The following MYO9A variants were observed in gnomAD, a reference collection of about 807,000 sequenced individuals.
The protein encoded by MYO9A is unconventional myosin-IXa.
MYO9A carries 103 observed loss-of-function variants against 293.3 expected under a neutral mutation model. The ratio of observed to expected loss-of-function variants is 0.35; its 90% confidence interval spans 0.30 to 0.41. The LOEUF (loss-of-function observed/expected upper bound fraction) is 0.41. Among genes scored for constraint, MYO9A ranks in the 10% least tolerant of loss-of-function variants. The pLI is 1.00. For synonymous variants in MYO9A, 1,001 were observed against 1,035.7 expected, an observed-to-expected ratio of 0.97 and a Z score of 0.64; for missense variants, 2,685 against 3,033.0, an observed-to-expected ratio of 0.89 and a Z score of 2.69.
chr15:72,110,362 G>A (rs1354475624), intron 1 of MYO9A, among the ~76,000 whole-genome samples: 2 of 146,606 alleles, frequency 1.4e-5, no homozygotes, highest in Non-Finnish European at 3.0e-5. Flanking sequence ...CTTGAACCCG[G>A]AAGCCGGAGG....
At position 71,825,995 on chromosome 15, in the gene MYO9A, GTTTTTTTT is replaced by G. The variant is rs11368306; in HGVS notation, c.*577_*584del. ...ATGGAAACAATCACGGTTTTTTTTT[GTTTTTTTT>G]TTTTTGTTTTTTTTTTTTGTTTTTG... is the stretch of plus-strand genomic sequence containing the variant. On this transcript the variant is annotated 3_prime_UTR_variant, in exon 42 of 42. Transcript: ENST00000356056. 1 of 91,526 alleles carries G rather than the reference GTTTTTTTT, an allele frequency of 1.1e-5. No individual in the cohort carries two copies. The highest frequency in any genetic ancestry group is 4.4e-5 in the African/African-American group (1 of 22,704). 5.7% of individuals were successfully genotyped at this position (91,526 alleles called of 1,614,324 possible). A position where few individuals can be genotyped will look rare whatever the true frequency, so the allele number is the denominator to read the frequency against.
At chr15:71,926,805 C>T (rs962276350) in intron 18 of MYO9A, among the ~76,000 whole-genome samples, 1 of 152,204 alleles carries the variant, frequency 6.6e-6, no homozygotes, top group Non-Finnish European at 1.5e-5. Flanking sequence ...AGCTACCAGA[C>T]AGCCTGGCCC....
intron 1 of MYO9A, among the ~76,000 whole-genome samples, chr15:72,110,076 T>C (rs961378831): frequency 3.3e-5 from 5 of 150,612 alleles, no homozygotes; most frequent in African/African-American, 9.8e-5. Context: ...GGAGGACTGC[T>C]TGAGCCCAGG....
At chr15:72,057,332 A>G (rs1201000834) in intron 1 of MYO9A, among the ~76,000 whole-genome samples, 1 of 152,198 alleles carries the variant, frequency 6.6e-6, no homozygotes, top group East Asian at 1.9e-4. Context: ...GTTCCCCAAA[A>G]AACTATGAAA....
intron 39 of MYO9A, among the ~76,000 whole-genome samples, chr15:71,846,764 C>G (rs559547075): frequency 6.0e-4 from 91 of 152,222 alleles, no homozygotes; most frequent in African/African-American, 2.1e-3. Context: ...TCCATCCCCC[C>G]CATTCCTTTT....
intron 1 of MYO9A, among the ~76,000 whole-genome samples, chr15:72,101,530 C>CT (rs1287838663): frequency 7.8e-6 from 1 of 128,764 alleles, no homozygotes; most frequent in Non-Finnish European, 1.7e-5. Flanking sequence ...GTCAGCCCCC[C>CT]GCCCGGCCAG....
chr15:72,069,367 T>C (rs1301837085), intron 1 of MYO9A, among the ~76,000 whole-genome samples: 2 of 152,222 alleles, frequency 1.3e-5, no homozygotes, highest in African/African-American at 4.8e-5. Flanking sequence ...CCTACTAGTA[T>C]ATAGGCTTGT....
intron 32 of MYO9A, among the ~76,000 whole-genome samples, chr15:71,869,551 T>C (rs565291812): frequency 2.6e-5 from 4 of 152,276 alleles, no homozygotes; most frequent in African/African-American, 7.2e-5. Flanking sequence ...AAAGGAACAA[T>C]AGTGGGATGA....
chr15:72,015,363 G>A, intron 6 of MYO9A, among the ~76,000 whole-genome samples: 1 of 152,084 alleles, frequency 6.6e-6, no homozygotes, highest in East Asian at 1.9e-4. Flanking sequence ...ATGGTTTCAG[G>A]GTATCTTGCC....
At chr15:71,910,852 T>C (rs1234509689) in intron 19 of MYO9A, among the ~76,000 whole-genome samples, 1 of 152,212 alleles carries the variant, frequency 6.6e-6, no homozygotes. Flanking sequence ...GTTCTTCATA[T>C]TATACAAGTC....
At chr15:71,941,642 T>C (rs1174136522) in intron 15 of MYO9A, among the ~76,000 whole-genome samples, 1 of 152,082 alleles carries the variant, frequency 6.6e-6, no homozygotes, top group Non-Finnish European at 1.5e-5. Context: ...CTAAATTTGA[T>C]GAAAAACAAT....
rs1246273119 is a variant in MYO9A, at chr15:72,100,872, G to C, written c.-72+16808C>G. On this transcript the variant is annotated intron_variant, in intron 1 of 41. Coordinates refer to ENST00000356056, the MANE Select transcript of MYO9A (RefSeq NM_006901.4). ...GCCGCCCCGTCCGGGAGGGAGGTGG[G>C]GGGGGTCAGCCCCCCGCCGGCCAGC... Among the ~76,000 whole-genome samples the C allele has an allele frequency of 4.1e-5, 6 of 148,046 alleles. No homozygotes were observed. The South Asian group carries it at 6.4e-4, about 16-fold the overall frequency.
chr15:71,919,342 G>A (rs926085693), intron 18 of MYO9A, among the ~76,000 whole-genome samples: 2 of 152,110 alleles, frequency 1.3e-5, no homozygotes, highest in South Asian at 2.1e-4. Context: ...TCGGGAGGTG[G>A]AGATAAGGGA....
At chr15:72,080,056 A>C (rs2079492360) in intron 1 of MYO9A, among the ~76,000 whole-genome samples, 1 of 152,200 alleles carries the variant, frequency 6.6e-6, no homozygotes, top group African/African-American at 2.4e-5. Context: ...CCATCCCTAC[A>C]AAGACTGTAT....
At position 71,826,781 on chromosome 15, in the gene MYO9A, TTCCAGGAATTTGGTCTGGCCCAATGG is replaced by T; in HGVS notation, c.7420_7445del (p.Pro2474ArgfsTer62). The T allele has an allele frequency of 6.2e-7, 1 of 1,614,152 alleles. No homozygotes were observed. Among genetic ancestry groups the T allele is most frequent in the Non-Finnish European group, 8.5e-7 (1 of 1,179,998 alleles). Reference sequence around the variant, plus strand: ...CTCTGCTGATGAACTGAGGCTTGTCTTCCAGGAATTTGGTCTGGCCCAATGGTCCTTCCATTCCCAGGGCCTCATTA... The same window carrying T: ...CTCTGCTGATGAACTGAGGCTTGTCTTCCTTCCATTCCCAGGGCCTCATTA... On this transcript the variant is annotated frameshift_variant, in exon 42 of 42. Transcript: ENST00000356056. LOFTEE classifies it high-confidence loss of function.
intron 22 of MYO9A, among the ~76,000 whole-genome samples, chr15:71,901,693 G>A (rs990287927): frequency 2.0e-5 from 3 of 151,694 alleles, no homozygotes; most frequent in African/African-American, 7.3e-5. Context: ...AGGTAAGGAA[G>A]GGAGGAAGGG....
chr15:71,880,263 G>A (rs888698298), intron 29 of MYO9A, 72 bp downstream of exon 29: 53 of 1,279,148 alleles, frequency 4.1e-5, no homozygotes, highest in Middle Eastern at 1.9e-4. Context: ...TATCTAGAGA[G>A]TATATCCTGA....
At position 71,927,614 on chromosome 15, in the gene MYO9A, T is replaced by G. The variant is rs189687859; in HGVS notation, c.2562+6056A>C. The stretch of plus-strand genomic sequence containing the variant: ...CCTCCATAAGGGTGGATTTTGCATC[T>G]CACAAATACCATATTTTGATCCACA... On this transcript the variant is annotated intron_variant, in intron 18 of 41. Coordinates refer to ENST00000356056, the MANE Select transcript of MYO9A (RefSeq NM_006901.4). Among the ~76,000 whole-genome samples, 70 of 152,284 alleles carry G rather than the reference T, an allele frequency of 4.6e-4. 1 individual carries two copies. In the East Asian group the frequency reaches 0.011, roughly 24 times the overall value.
In MYO9A at chr15:71,878,187, T is replaced by C. The variant is rs2056752863; in HGVS notation, c.5784A>G (p.Leu1928=). The change falls in exon 31 of 42, where the codon CTA becomes CTG. Residue 1928 remains leucine, a synonymous_variant. Transcript: ENST00000356056. ...TCGTCTTTTCCAGAATCTGTTCAAATAGTGCATAGAGGTCTTTATACCGTA... is the reference window on the plus strand; with the variant it reads ...TCGTCTTTTCCAGAATCTGTTCAAACAGTGCATAGAGGTCTTTATACCGTA... ...KSIRYKDLYA[L]FEQILEKTMR... 2.5e-6 allele frequency: 4 copies of C among 1,610,360 alleles called. No homozygotes were observed. Among genetic ancestry groups the C allele is most frequent in the Non-Finnish European group, 3.4e-6 (4 of 1,178,930 alleles).
Sources: allele counts gnomAD v4.1 joint callset (sites outside exome capture counted in the v4.1 genomes callset), GRCh38; gene constraint gnomAD v4.1.1; transcripts MANE v1.5; gene names NCBI Gene and HGNC (gene_info 2026-07-23, HGNC 2026-07-21).